ABCB5: variants seen among roughly 807,000 people sequenced by gnomAD.
ABCB5 encodes ATP binding cassette subfamily B member 5.
A neutral mutation model predicts 144.2 loss-of-function variants in ABCB5; 155 were observed. The observed-to-expected ratio is 1.08, with a 90% CI of 0.94 to 1.23. The LOEUF (loss-of-function observed/expected upper bound fraction) is 1.23. ABCB5 is among the 50% of genes most tolerant of loss of function. ABCB5 has a pLI of 0.00. For synonymous variants in ABCB5, 610 were observed against 528.6 expected, an observed-to-expected ratio of 1.15 and a Z score of -2.11; for missense variants, 1,830 against 1,520.8, an observed-to-expected ratio of 1.20 and a Z score of -3.38.
chr7:20,663,998 G>A (rs1431377102), intron 14 of ABCB5, among the ~76,000 whole-genome samples: 2 of 150,714 alleles, frequency 1.3e-5, no homozygotes, highest in Non-Finnish European at 2.9e-5. Flanking sequence ...TTACAGGCAT[G>A]AGCCACTGCG....
chr7:20,729,254 G>A (rs1183213360), intron 23 of ABCB5, among the ~76,000 whole-genome samples: 2 of 152,282 alleles, frequency 1.3e-5, no homozygotes, highest in East Asian at 3.9e-4. Flanking sequence ...CTCTGCTTCA[G>A]TTTACTGGAA....
intron 27 of ABCB5, among the ~76,000 whole-genome samples, chr7:20,754,580 T>C (rs1307510959): frequency 8.5e-5 from 13 of 152,220 alleles, no homozygotes; most frequent in Non-Finnish European, 1.9e-4. Context: ...TATAGCGTCA[T>C]AACCTCACTG....
Position 20,723,045 on chromosome 7 carries a change from A to T in ABCB5, c.2451A>T (p.Thr817=), listed in dbSNP as rs1348067739. The T allele has an allele frequency of 6.2e-7, 1 of 1,614,168 alleles. No individual in the cohort carries two copies. Among genetic ancestry groups the T allele is most frequent in the Admixed American group, 1.7e-5 (1 of 60,018 alleles). The change falls in exon 21 of 28, where the codon ACA becomes ACT. Residue 817 remains threonine, a synonymous_variant. Coordinates refer to ENST00000404938, the MANE Select transcript of ABCB5 (RefSeq NM_001163941.2). The part of the protein sequence containing the change: ...GATGSRIGVL[T]QNATNMGLSV... ...CAGGTTCCAGGATTGGCGTCTTAAC[A>T]CAAAATGCAACTAACATGGGACTTT...
At chr7:20,699,636 G>C (rs532897015) in intron 17 of ABCB5, among the ~76,000 whole-genome samples, 189 bp from the exon 18 acceptor site, 34 of 152,102 alleles carry the variant, frequency 2.2e-4, no homozygotes, top group Non-Finnish European at 5.0e-4. Flanking sequence ...GGGAGGCAGA[G>C]GTTGCATTGA....
At chr7:20,624,520 G>C (rs190757330) in intron 2 of ABCB5, among the ~76,000 whole-genome samples, 94 of 152,292 alleles carry the variant, frequency 6.2e-4, no homozygotes, top group African/African-American at 2.1e-3. Flanking sequence ...TAGTTTCCAT[G>C]ACTGGAGAGA....
chr7:20,645,718 C>A, intron 7 of ABCB5, 38 bp from the exon 8 acceptor site: 1 of 1,610,874 alleles, frequency 6.2e-7, no homozygotes. Context: ...TATTACTACA[C>A]AGAGTCATTT....
At position 20,695,123 on chromosome 7, in the gene ABCB5, A is replaced by G. The variant is rs536730250; in HGVS notation, c.2011-3284A>G. Reference sequence around the variant, plus strand: ...GGAAGAGGGATACTACCTGATTTCAATTCTGTTTCAACTACTATATAAAGC... The same window carrying G: ...GGAAGAGGGATACTACCTGATTTCAGTTCTGTTTCAACTACTATATAAAGC... On this transcript the variant is annotated intron_variant, in intron 16 of 27. Coordinates refer to ENST00000404938, the MANE Select transcript of ABCB5 (RefSeq NM_001163941.2). Among the ~76,000 whole-genome samples the G allele has an allele frequency of 8.3e-4, 127 of 152,104 alleles. 1 individual carries two copies. Among genetic ancestry groups the G allele is most frequent in the African/African-American group, 2.9e-3 (121 of 41,566 alleles).
intron 9 of ABCB5, among the ~76,000 whole-genome samples, chr7:20,646,566 C>T (rs1455246800): frequency 6.6e-6 from 1 of 152,196 alleles, no homozygotes; most frequent in East Asian, 1.9e-4. Flanking sequence ...CTTCCTCTGT[C>T]CTTTCAGCAT....
intron 16 of ABCB5, among the ~76,000 whole-genome samples, chr7:20,686,769 A>G (rs187717126): frequency 8.3e-4 from 126 of 152,180 alleles, no homozygotes; most frequent in Admixed American, 1.5e-3. Flanking sequence ...CCCAAACTAG[A>G]GTTTCCTTCT....
In ABCB5 at chr7:20,643,504, C is replaced by G. The variant is rs1784338133; in HGVS notation, c.550C>G (p.Leu184Val). 1 of 1,613,906 alleles carries G rather than the reference C, an allele frequency of 6.2e-7. No individual in the cohort carries two copies. Among genetic ancestry groups the G allele is most frequent in the African/African-American group, 1.3e-5 (1 of 74,942 alleles). ...ISDGIGDKIA[L>V]LFQNMSTFSI... ...TGATGGTATTGGAGATAAGATTGCTCTGTTGTTTCAAAACATGTCTACTTT... is the reference window on the plus strand; with the variant it reads ...TGATGGTATTGGAGATAAGATTGCTGTGTTGTTTCAAAACATGTCTACTTT... The change falls in exon 7 of 28, where the codon CTG (leucine) becomes GTG (valine). Residue 184 changes from leucine to valine, a missense_variant. Physicochemically the swap from Leu to Val is conservative, Grantham distance 32. Transcript: ENST00000404938.
intron 2 of ABCB5, among the ~76,000 whole-genome samples, chr7:20,625,975 A>G (rs1253381961): frequency 6.6e-6 from 1 of 152,238 alleles, no homozygotes; most frequent in Non-Finnish European, 1.5e-5. Context: ...TCCAACACCT[A>G]CTACAATGTG....
At chr7:20,715,308 A>T (rs2128047359) in intron 20 of ABCB5, among the ~76,000 whole-genome samples, 1 of 152,090 alleles carries the variant, frequency 6.6e-6, no homozygotes, top group Non-Finnish European at 1.5e-5. Flanking sequence ...AGCCTCCCAA[A>T]GTGCTAGGAT....
At chr7:20,734,435 G>C (rs1204138068) in intron 23 of ABCB5, among the ~76,000 whole-genome samples, 1 of 149,868 alleles carries the variant, frequency 6.7e-6, no homozygotes, top group East Asian at 1.9e-4. Context: ...CTGATTTGTA[G>C]ATCTAGTATG....
At chr7:20,616,067 ACT>A (rs1369373901) in intron 1 of ABCB5, among the ~76,000 whole-genome samples, 1 of 152,006 alleles carries the variant, frequency 6.6e-6, no homozygotes, top group African/African-American at 2.4e-5. Flanking sequence ...ACAGGGTCTC[ACT>A]CTGTCACCCA....
At chr7:20,747,849 A>G (rs1456067112) in intron 26 of ABCB5, among the ~76,000 whole-genome samples, 1 of 152,226 alleles carries the variant, frequency 6.6e-6, no homozygotes, top group Non-Finnish European at 1.5e-5. Flanking sequence ...CAAATCAGAT[A>G]ATTCCTAGAA....
chr7:20,642,817 CTTT>C (rs1362066794), intron 5 of ABCB5, among the ~76,000 whole-genome samples: 1 of 152,108 alleles, frequency 6.6e-6, no homozygotes, highest in Non-Finnish European at 1.5e-5. Context: ...AGTTTTTAAG[CTTT>C]TTATCAAATG....
chr7:20,693,719 A>G (rs1281142419), intron 16 of ABCB5, among the ~76,000 whole-genome samples: 1 of 152,014 alleles, frequency 6.6e-6, no homozygotes, highest in East Asian at 1.9e-4. Flanking sequence ...AAAATCAATC[A>G]AATACAAAGC....
At chr7:20,625,452 A>G (rs1384366259) in intron 2 of ABCB5, among the ~76,000 whole-genome samples, 1 of 152,066 alleles carries the variant, frequency 6.6e-6, no homozygotes, top group Non-Finnish European at 1.5e-5. Flanking sequence ...TTTCATTTGG[A>G]CCTCCTTGAA....
intron 25 of ABCB5, among the ~76,000 whole-genome samples, chr7:20,743,814 A>T (rs1357588671): frequency 1.3e-5 from 2 of 152,076 alleles, no homozygotes; most frequent in Non-Finnish European, 2.9e-5. Flanking sequence ...GAGTGTTTGC[A>T]AAACAGAGTT....
Sources: gnomAD v4.1 joint callset for allele counts (sites outside exome capture counted in the v4.1 genomes callset) on GRCh38, gnomAD v4.1.1 for gene constraint, MANE v1.5 for transcripts, NCBI Gene and HGNC (gene_info 2026-07-23, HGNC 2026-07-21) for gene names.